Variants in PPARGC1A observed in about 807,000 individuals in gnomAD.
PPARGC1A encodes peroxisome proliferator-activated receptor gamma coactivator 1-alpha.
A neutral mutation model predicts 88.7 loss-of-function variants in PPARGC1A; 25 were observed. The observed-to-expected ratio is 0.28, with a 90% CI of 0.21 to 0.39. The LOEUF (loss-of-function observed/expected upper bound fraction) is 0.39. Ranked by LOEUF, PPARGC1A falls within the 10% of genes least tolerant of loss-of-function variation. PPARGC1A has a pLI of 1.00. For missense variants in PPARGC1A, 880 were observed against 968.7 expected, an observed-to-expected ratio of 0.91 and a Z score of 1.22; for synonymous variants, 363 against 355.6, an observed-to-expected ratio of 1.02 and a Z score of -0.24.
At chr4:24,246,035 C>T in the PPARGC1A span, among the ~76,000 whole-genome samples, 6 of 152,018 alleles carry the variant, frequency 3.9e-5, no homozygotes, top group African/African-American at 1.4e-4. Flanking sequence ...CTCCATTTGA[C>T]AGAATCAGCA....
upstream of PPARGC1A, among the ~76,000 whole-genome samples, chr4:23,908,285 C>T (rs183584967): frequency 1.3e-5 from 2 of 151,988 alleles, no homozygotes; most frequent in African/African-American, 2.4e-5. Flanking sequence ...AGGCGAAATG[C>T]AGTAATTTCT....
the PPARGC1A span, among the ~76,000 whole-genome samples, chr4:24,441,130 G>C: frequency 1.3e-5 from 2 of 152,178 alleles, no homozygotes; most frequent in East Asian, 3.9e-4. Flanking sequence ...TTGTTTGTTA[G>C]AGAGATACTG....
the PPARGC1A span, among the ~76,000 whole-genome samples, chr4:23,959,938 T>C: frequency 6.6e-6 from 1 of 152,066 alleles, no homozygotes; most frequent in African/African-American, 2.4e-5. Flanking sequence ...CTTGAGTCTG[T>C]AAAAAAGCAA....
At chr4:24,175,085 C>T in the PPARGC1A span, among the ~76,000 whole-genome samples, 6 of 152,232 alleles carry the variant, frequency 3.9e-5, no homozygotes, top group South Asian at 2.1e-4. Flanking sequence ...ACAGAGGCCT[C>T]GCGATATATA....
chr4:24,411,570 A>T, the PPARGC1A span, among the ~76,000 whole-genome samples: 1 of 152,172 alleles, frequency 6.6e-6, no homozygotes, highest in Non-Finnish European at 1.5e-5. Flanking sequence ...TTGCTATTAC[A>T]CATTCTCTGG....
chr4:24,014,023 T>C, the PPARGC1A span, among the ~76,000 whole-genome samples: 1 of 152,194 alleles, frequency 6.6e-6, no homozygotes, highest in Non-Finnish European at 1.5e-5. Flanking sequence ...TTCTTCCTCG[T>C]GCAATGCTGT....
intron 12 of PPARGC1A, among the ~76,000 whole-genome samples, chr4:23,797,344 T>C (rs1393969231): frequency 6.9e-6 from 1 of 144,288 alleles, no homozygotes; most frequent in East Asian, 2.0e-4. Context: ...AATCAAAATC[T>C]TTTTTGTAGA....
the PPARGC1A span, among the ~76,000 whole-genome samples, chr4:24,402,682 C>G: frequency 6.6e-6 from 1 of 152,196 alleles, no homozygotes; most frequent in African/African-American, 2.4e-5. Flanking sequence ...AGCTTCCTTT[C>G]CCCAGAGGCC....
chr4:24,047,909 GT>G, the PPARGC1A span, among the ~76,000 whole-genome samples: 1 of 152,272 alleles, frequency 6.6e-6, no homozygotes, highest in African/African-American at 2.4e-5. Flanking sequence ...CACTTAAAAT[GT>G]TTTCTTTCTA....
chr4:23,904,933 G>C (rs891569190), upstream of PPARGC1A, among the ~76,000 whole-genome samples: 10 of 152,164 alleles, frequency 6.6e-5, no homozygotes, highest in African/African-American at 2.4e-4. Flanking sequence ...CCTTTTTGTT[G>C]TATCTCCTTA....
At chr4:24,080,540 T>TAG in the PPARGC1A span, among the ~76,000 whole-genome samples, 3 of 152,216 alleles carry the variant, frequency 2.0e-5, no homozygotes, top group South Asian at 6.2e-4. Context: ...AACCAGGTAT[T>TAG]AGTAGGCTGT....
At chr4:23,919,327 G>A in the PPARGC1A span, among the ~76,000 whole-genome samples, 1 of 151,772 alleles carries the variant, frequency 6.6e-6, no homozygotes, top group Admixed American at 6.6e-5. Flanking sequence ...TAAAAATTCG[G>A]CTTCACATAC....
At chr4:24,091,954 T>C in the PPARGC1A span, among the ~76,000 whole-genome samples, 466 of 105,820 alleles carry the variant, frequency 4.4e-3, 4 homozygotes, top group African/African-American at 0.017. Context: ...CACACACACA[T>C]ATGCTCACAC....
At chr4:24,131,581 A>G in the PPARGC1A span, among the ~76,000 whole-genome samples, 1 of 152,238 alleles carries the variant, frequency 6.6e-6, no homozygotes, top group Non-Finnish European at 1.5e-5. Flanking sequence ...AACTAATCAG[A>G]TTGGACAAAT....
the PPARGC1A span, among the ~76,000 whole-genome samples, chr4:24,179,831 A>T: frequency 6.6e-6 from 1 of 152,232 alleles, no homozygotes; most frequent in Non-Finnish European, 1.5e-5. Context: ...TATTTGTTAC[A>T]GAAAAACAAG....
At chr4:24,328,593 CCTAA>C in the PPARGC1A span, among the ~76,000 whole-genome samples, 3 of 152,184 alleles carry the variant, frequency 2.0e-5, no homozygotes, top group Admixed American at 6.5e-5. Context: ...AAGGGGTTTA[CCTAA>C]CTAACATCAT....
the PPARGC1A span, among the ~76,000 whole-genome samples, chr4:24,136,558 T>G: frequency 3.3e-5 from 5 of 151,790 alleles, no homozygotes; most frequent in Non-Finnish European, 5.9e-5. Context: ...AGGAGAGGGG[T>G]CGCCTTCAGC....
At chr4:23,929,941 G>T in the PPARGC1A span, among the ~76,000 whole-genome samples, 1 of 152,036 alleles carries the variant, frequency 6.6e-6, no homozygotes, top group East Asian at 1.9e-4. Context: ...TTACAGCTGA[G>T]TGTTAACAGA....
the PPARGC1A span, among the ~76,000 whole-genome samples, chr4:24,116,709 C>T: frequency 6.6e-6 from 1 of 152,164 alleles, no homozygotes; most frequent in African/African-American, 2.4e-5. Flanking sequence ...AACCAAGGAA[C>T]ACGAAGAAAC....
Sources: gnomAD v4.1 joint callset for allele counts (sites outside exome capture counted in the v4.1 genomes callset) on GRCh38, gnomAD v4.1.1 for gene constraint, MANE v1.5 for transcripts, NCBI Gene and HGNC (gene_info 2026-07-23, HGNC 2026-07-21) for gene names.